The following KPNA3 variants were observed in gnomAD, a reference collection of about 807,000 sequenced individuals.
The protein encoded by KPNA3 is karyopherin subunit alpha 3.
KPNA3 carries 13 observed loss-of-function variants against 73.8 expected under a neutral mutation model. That is an observed-to-expected ratio of 0.18 (90% CI 0.11 to 0.28). The LOEUF (loss-of-function observed/expected upper bound fraction) is 0.28. Among genes scored for constraint, KPNA3 ranks in the 10% least tolerant of loss-of-function variants. KPNA3 has a pLI of 1.00. For missense variants in KPNA3, 360 were observed against 618.1 expected (o/e 0.58, Z 4.43); for synonymous variants, 186 against 206.9 (o/e 0.90, Z 0.87).
chr13:49,778,815 C>A (rs1271742820), intron 1 of KPNA3, among the ~76,000 whole-genome samples: 1 of 152,048 alleles, frequency 6.6e-6, no homozygotes, highest in Non-Finnish European at 1.5e-5. Context: ...ACTGTATTGC[C>A]TAGGCTGGTC....
At chr13:49,749,178 A>C (rs1193719761) in intron 1 of KPNA3, among the ~76,000 whole-genome samples, 4 of 152,264 alleles carry the variant, frequency 2.6e-5, no homozygotes, top group African/African-American at 9.6e-5. Flanking sequence ...ATTTCTGTAT[A>C]GACAGAATTA....
intron 6 of KPNA3, among the ~76,000 whole-genome samples, chr13:49,728,018 G>C (rs1048445279): frequency 6.6e-6 from 1 of 152,062 alleles, no homozygotes; most frequent in Non-Finnish European, 1.5e-5. Flanking sequence ...GGCGGATCAC[G>C]AGGTAAGGAG....
rs1409630568 is a variant in KPNA3 at position 49,705,712 on chromosome 13, C to T, written c.1281G>A (p.Val427=). The T allele has an allele frequency of 6.2e-7, 1 of 1,613,950 alleles. No individual in the cohort carries two copies. Among genetic ancestry groups the T allele is most frequent in the Non-Finnish European group, 8.5e-7 (1 of 1,179,930 alleles). Residue 427 remains valine, a synonymous_variant, in exon 15 of 17, where the codon GTG becomes GTA. Transcript: ENST00000261667. ...TTAGACCATCTAGAACCACCTGAAC[C>T]ACTTGAGAATCTTTCACTGACAGTA... ...CNLLSVKDSQ[V]VQVVLDGLKN...
At chr13:49,716,502 G>C (rs1316847064) in intron 10 of KPNA3, among the ~76,000 whole-genome samples, 2 of 151,864 alleles carry the variant, frequency 1.3e-5, no homozygotes, top group Non-Finnish European at 2.9e-5. Flanking sequence ...GCAGTGGCGT[G>C]ATCTCGGTTC....
At chr13:49,777,792 T>A (rs1471614691) in intron 1 of KPNA3, among the ~76,000 whole-genome samples, 4 of 152,108 alleles carry the variant, frequency 2.6e-5, no homozygotes, top group African/African-American at 7.2e-5. Flanking sequence ...ATTACGGGCA[T>A]GAGCCACATG....
intron 15 of KPNA3, among the ~76,000 whole-genome samples, 192 bp downstream of exon 15, chr13:49,705,429 G>T (rs1191821509): frequency 2.6e-5 from 4 of 151,418 alleles, no homozygotes; most frequent in African/African-American, 9.7e-5. Context: ...ACCTGATTTT[G>T]CAAAGTATGG....
At chr13:49,705,916 T>A (rs1954203462) in intron 14 of KPNA3, 133 bp from the exon 15 acceptor site, 2 of 989,972 alleles carry the variant, frequency 2.0e-6, no homozygotes, top group Non-Finnish European at 2.9e-6. Flanking sequence ...TGCGTTATGG[T>A]CATGCCTGTG....
At chr13:49,705,195 T>C (rs1344160608) in intron 15 of KPNA3, among the ~76,000 whole-genome samples, 2 of 151,892 alleles carry the variant, frequency 1.3e-5, no homozygotes, top group African/African-American at 2.4e-5. Context: ...CTCGTCTCTA[T>C]TAAAAACACA....
chr13:49,782,740 G>A (rs998875163), intron 1 of KPNA3, among the ~76,000 whole-genome samples: 1 of 151,936 alleles, frequency 6.6e-6, no homozygotes, highest in African/African-American at 2.4e-5. Flanking sequence ...TTAGCTGGGC[G>A]TGGTGGCGTG....
At chr13:49,701,953 G>A (rs997738495) in intron 16 of KPNA3, 55 bp from the exon 17 acceptor site, 1 of 1,198,220 alleles carries the variant, frequency 8.3e-7, no homozygotes, top group Non-Finnish European at 1.2e-6. Context: ...ACATTATGAT[G>A]TAAGTGGAAT....
rs550181670 is a variant in KPNA3 at position 49,725,495 on chromosome 13, T to C, written c.390A>G (p.Ser130=). 6.3e-7 allele frequency: 1 copy of C among 1,596,296 alleles called. No individual in the cohort carries two copies. The highest frequency in any genetic ancestry group is 1.4e-5 in the African/African-American group (1 of 72,738). The change falls in exon 7 of 17, where the codon TCA becomes TCG. Residue 130 remains serine, a synonymous_variant. Transcript: ENST00000261667. The part of the protein sequence containing the change: ...VKCLERDDNP[S]LQFEAAWALT... ...ATGCCCAAGCAGCTTCAAACTGTAA[T>C]GAAGGACTGTAAAAAAACAATAACA...
intron 1 of KPNA3, among the ~76,000 whole-genome samples, chr13:49,756,205 C>A (rs1470602509): frequency 6.6e-6 from 1 of 152,130 alleles, no homozygotes; most frequent in East Asian, 1.9e-4. Flanking sequence ...GCTCGGGAGA[C>A]GGAGGCTGCA....
intron 14 of KPNA3, 139 bp downstream of exon 14, chr13:49,705,959 G>T: frequency 1.0e-6 from 1 of 991,116 alleles, no homozygotes; most frequent in Non-Finnish European, 1.5e-6. Context: ...GGGCAACATA[G>T]TGAGACTCCA....
At chr13:49,767,996 T>C (rs866661089) in intron 1 of KPNA3, among the ~76,000 whole-genome samples, 13 of 152,242 alleles carry the variant, frequency 8.5e-5, no homozygotes, top group African/African-American at 3.1e-4. Flanking sequence ...TTTCAAACTG[T>C]GTCTTTGTAT....
intron 1 of KPNA3, among the ~76,000 whole-genome samples, chr13:49,781,345 A>G (rs1954939010): frequency 6.6e-6 from 1 of 152,218 alleles, no homozygotes; most frequent in Non-Finnish European, 1.5e-5. Flanking sequence ...AAAGTTGGAA[A>G]TCTGGGACTC....
At position 49,732,459 on chromosome 13, in the gene KPNA3, A is replaced by G; in HGVS notation, c.295T>C (p.Leu99=). 6.3e-7 allele frequency: 1 copy of G among 1,579,518 alleles called. No individual in the cohort carries two copies. The highest frequency in any genetic ancestry group is 8.6e-7 in the Non-Finnish European group (1 of 1,159,524). The stretch of plus-strand genomic sequence containing the variant: ...ATCGGTGGATTTCTGTCACTGGATA[A>G]CAGTTTTCTAGGAAAATAAATATGA... ...LSAVQAARKL[L]SSDRNPPIDD... is the part of the protein sequence containing the mutation. The change falls in exon 6 of 17, where the codon TTA becomes CTA. Residue 99 remains leucine, a synonymous_variant. Transcript: ENST00000261667.
intron 2 of KPNA3, among the ~76,000 whole-genome samples, chr13:49,743,201 C>A (rs9562918): frequency 2.0e-5 from 3 of 152,118 alleles, no homozygotes; most frequent in South Asian, 2.1e-4. Context: ...CAGTGAAACT[C>A]TGGGGACTAG....
chr13:49,722,083 C>A lies in KPNA3; in HGVS notation c.598G>T (p.Val200Phe). Residue 200 changes from valine to phenylalanine, a missense_variant, in exon 9 of 17, where the codon GTT (valine) becomes TTT (phenylalanine). Around this residue, in one of 3 missense-constraint regions of KPNA3, gnomAD observed 287 missense variants for 549.1 expected, o/e 0.52. Coordinates refer to ENST00000261667, the MANE Select transcript of KPNA3 (RefSeq NM_002267.4). Reference sequence around the variant, plus strand: ...ATGAAGGACAGAAGAGGTTTGACAACTCCCAGTGATATGACATAATCTCTA... The same window carrying A: ...ATGAAGGACAGAAGAGGTTTGACAAATCCCAGTGATATGACATAATCTCTA... ...QCRDYVISLGVVKPLLSFISP... is the reference protein window; with the variant it reads ...QCRDYVISLGFVKPLLSFISP... The A allele has an allele frequency of 6.2e-7, 1 of 1,607,872 alleles. No individual in the cohort carries two copies. Among genetic ancestry groups the A allele is most frequent in the Non-Finnish European group, 8.5e-7 (1 of 1,177,138 alleles).
chr13:49,775,368 T>G (rs2137598158), intron 1 of KPNA3, among the ~76,000 whole-genome samples: 1 of 151,804 alleles, frequency 6.6e-6, no homozygotes, highest in South Asian at 2.1e-4. Flanking sequence ...CAAGGCTACA[T>G]AGGCTCCACC....
Sources: allele counts gnomAD v4.1 joint callset (sites outside exome capture counted in the v4.1 genomes callset), GRCh38; gene constraint gnomAD v4.1.1; regional missense constraint gnomAD v4.1.1; transcripts MANE v1.5; gene names NCBI Gene and HGNC (gene_info 2026-07-23, HGNC 2026-07-21).